The following RELL1 variants were observed in gnomAD, a reference collection of about 807,000 sequenced individuals.
RELL1 encodes the protein RELT-like protein 1.
RELL1 carries 10 observed loss-of-function variants against 23.0 expected under a neutral mutation model. That is an observed-to-expected ratio of 0.43 (90% CI 0.27 to 0.74). The LOEUF (loss-of-function observed/expected upper bound fraction) is 0.74, where lower values mean the gene tolerates loss of function less well. Among genes scored for constraint, RELL1 ranks in the 30% least tolerant of loss-of-function variants. RELL1 has a pLI of 0.19. For synonymous variants in RELL1, 146 were observed against 146.8 expected (o/e 0.99, Z 0.04); for missense variants, 315 against 364.4 (o/e 0.86, Z 1.10).
At chr4:37,605,411 A>G (rs1719164537) in intron 6 of RELL1, among the ~76,000 whole-genome samples, 1 of 152,164 alleles carries the variant, frequency 6.6e-6, no homozygotes, top group African/African-American at 2.4e-5. Flanking sequence ...CAAGGAAAAT[A>G]CAAGACAAGA....
At chr4:37,674,720 T>C (rs1255013634) in intron 1 of RELL1, among the ~76,000 whole-genome samples, 1 of 130,160 alleles carries the variant, frequency 7.7e-6, no homozygotes, top group Non-Finnish European at 1.6e-5. Flanking sequence ...AAAATTAGTG[T>C]TCCCAAGTTG....
intron 6 of RELL1, among the ~76,000 whole-genome samples, chr4:37,625,729 T>C (rs1465337359): frequency 3.9e-5 from 6 of 152,214 alleles, no homozygotes; most frequent in African/African-American, 1.4e-4. Context: ...TGTATTGTAT[T>C]CTTGAAAAAT....
intron 3 of RELL1, among the ~76,000 whole-genome samples, chr4:37,643,964 G>A (rs766303336): frequency 7.9e-5 from 12 of 152,140 alleles, no homozygotes; most frequent in South Asian, 2.1e-4. Context: ...CTGTCCTCAC[G>A]GGCCCCTGGA....
intron 1 of RELL1, among the ~76,000 whole-genome samples, chr4:37,653,951 C>T (rs1294901928): frequency 6.6e-6 from 1 of 152,208 alleles, no homozygotes; most frequent in Admixed American, 6.5e-5. Flanking sequence ...CTGATGAACC[C>T]TGCCCAAATT....
chr4:37,624,078 CCA>C lies in RELL1; in HGVS notation c.*3+7305_*3+7306del, dbSNP rs543790932. Among the ~76,000 whole-genome samples, 74 of 152,238 alleles carry C rather than the reference CCA, an allele frequency of 4.9e-4. No individual in the cohort carries two copies. The South Asian group carries it at 0.014, about 29-fold the overall frequency. ...CAAGGAGCTTCTACTATAATTCCTG[CCA>C]CAGAGTCCAAAAAAAGGAGCCAAGG... On this transcript the variant is annotated intron_variant, in intron 6 of 6. Coordinates refer to ENST00000454158, the MANE Select transcript of RELL1 (RefSeq NM_001085400.2).
chr4:37,615,918 A>G (rs1253759413), intron 6 of RELL1, among the ~76,000 whole-genome samples: 3 of 152,188 alleles, frequency 2.0e-5, no homozygotes, highest in African/African-American at 7.2e-5. Flanking sequence ...GGAAGCTGCC[A>G]TATGTCTCTG....
chr4:37,647,386 A>G lies in RELL1; in HGVS notation c.367T>C (p.Tyr123His). ...TTCACACCTTCATTTTTCATGATGT[A>G]GTGGACGATTTGCCCAACAGTGTCA... ...NSDTVGQIVH[Y>H]IMKNEANADV... Residue 123 changes from tyrosine (Y) to histidine (H), a missense_variant, in exon 3 of 7, where the codon TAC becomes CAC. Tyr to His is a moderately conservative substitution (Grantham distance 83). Coordinates refer to ENST00000454158, the MANE Select transcript of RELL1 (RefSeq NM_001085400.2). 6.2e-7 allele frequency: 1 copy of G among 1,612,356 alleles called. No individual in the cohort carries two copies. Among genetic ancestry groups the G allele is most frequent in the Non-Finnish European group, 8.5e-7 (1 of 1,178,412 alleles).
chr4:37,675,491 G>A (rs568580416), intron 1 of RELL1, among the ~76,000 whole-genome samples: 1 of 152,282 alleles, frequency 6.6e-6, no homozygotes, highest in Non-Finnish European at 1.5e-5. Flanking sequence ...AATTAAATTT[G>A]ATCAGGCAAT....
intron 6 of RELL1, among the ~76,000 whole-genome samples, chr4:37,604,926 C>CAG (rs1719146730): frequency 3.6e-5 from 2 of 55,956 alleles, no homozygotes; most frequent in Non-Finnish European, 8.2e-5. Flanking sequence ...CACAGACACA[C>CAG]ACACACAGAC....
At chr4:37,616,030 C>G (rs2109236509) in intron 6 of RELL1, among the ~76,000 whole-genome samples, 1 of 151,892 alleles carries the variant, frequency 6.6e-6, no homozygotes. Flanking sequence ...TTATAAGAAA[C>G]TAGGAGCCTA....
At chr4:37,645,850 C>T (rs546116536) in intron 3 of RELL1, among the ~76,000 whole-genome samples, 5 of 152,224 alleles carry the variant, frequency 3.3e-5, no homozygotes, top group African/African-American at 4.8e-5. Context: ...CTCAACCATA[C>T]GAAACTGCTG....
intron 4 of RELL1, among the ~76,000 whole-genome samples, chr4:37,635,907 A>T (rs909912685): frequency 6.6e-6 from 1 of 152,216 alleles, no homozygotes; most frequent in African/African-American, 2.4e-5. Context: ...TCAAATCTCC[A>T]TTATATCAAA....
At chr4:37,619,328 G>A (rs540777716) in intron 6 of RELL1, among the ~76,000 whole-genome samples, 28 of 152,120 alleles carry the variant, frequency 1.8e-4, no homozygotes, top group African/African-American at 6.7e-4. Context: ...GACTACAGGC[G>A]TGCGGCATCA....
chr4:37,670,928 A>AT (rs1277296606), intron 1 of RELL1, among the ~76,000 whole-genome samples: 66 of 152,306 alleles, frequency 4.3e-4, no homozygotes, highest in African/African-American at 1.5e-3. Flanking sequence ...ATAGTAAACT[A>AT]TGCAATTTCA....
chr4:37,631,261 G>A lies in RELL1; in HGVS notation c.*3+124C>T, dbSNP rs919628951. On this transcript the variant is annotated intron_variant, in intron 6 of 6. Transcript: ENST00000454158. Reference sequence around the variant, plus strand: ...GTCCCCCTCAGTCTTCCTGGGTCAAGGAAAGCTCTCCCACTTCCCTGTCAA... The same window carrying A: ...GTCCCCCTCAGTCTTCCTGGGTCAAAGAAAGCTCTCCCACTTCCCTGTCAA... 3.1e-5 allele frequency: 34 copies of A among 1,106,978 alleles called. No individual in the cohort carries two copies. In the African/African-American group the frequency reaches 5.4e-4, roughly 17 times the overall value. 68.6% of individuals were successfully genotyped at this position (1,106,978 alleles called of 1,614,324 possible).
intron 6 of RELL1, among the ~76,000 whole-genome samples, chr4:37,599,324 CCT>C (rs1718958662): frequency 6.6e-6 from 1 of 152,028 alleles, no homozygotes; most frequent in Non-Finnish European, 1.5e-5. Flanking sequence ...AATCTGTCTC[CCT>C]GAGGAGTTTG....
intron 1 of RELL1, among the ~76,000 whole-genome samples, chr4:37,675,001 GGAAATT>G (rs1233376737): frequency 6.6e-6 from 1 of 152,120 alleles, no homozygotes; most frequent in East Asian, 1.9e-4. Context: ...TGTCTTTTCA[GGAAATT>G]GAAATTGATA....
At chr4:37,684,075 CAAAAAG>C (rs1418963932) in intron 1 of RELL1, among the ~76,000 whole-genome samples, 3 of 151,930 alleles carry the variant, frequency 2.0e-5, no homozygotes, top group Non-Finnish European at 4.4e-5. Flanking sequence ...GACTCCGTCT[CAAAAAG>C]AAAAAAATAA....
At chr4:37,664,594 A>G (rs1228391893) in intron 1 of RELL1, among the ~76,000 whole-genome samples, 1 of 152,182 alleles carries the variant, frequency 6.6e-6, no homozygotes. Flanking sequence ...CAGAAAAAAT[A>G]TTTAAAAAGA....
Sources: allele counts gnomAD v4.1 joint callset (sites outside exome capture counted in the v4.1 genomes callset), GRCh38; gene constraint gnomAD v4.1.1; transcripts MANE v1.5; gene names NCBI Gene and HGNC (gene_info 2026-07-23, HGNC 2026-07-21).